Variants in GRM7 observed in about 807,000 individuals in gnomAD.
The protein encoded by GRM7 is glutamate metabotropic receptor 7, also known as metabotropic glutamate receptor 7.
A neutral mutation model predicts 84.5 loss-of-function variants in GRM7; 35 were observed. The ratio of observed to expected loss-of-function variants is 0.41; its 90% CI spans 0.32 to 0.55. The LOEUF (loss-of-function observed/expected upper bound fraction) is 0.55, where lower values mean the gene tolerates loss of function less well. Ranked by LOEUF, GRM7 falls within the 20% of genes least tolerant of loss-of-function variation. GRM7 has a pLI of 0.19. For synonymous variants in GRM7, 487 were observed against 455.1 expected, an observed-to-expected ratio of 1.07 and a Z score of -0.89; for missense variants, 1,003 against 1,194.6, an observed-to-expected ratio of 0.84 and a Z score of 2.36.
chr3:7,556,250 T>C (rs1207288585), intron 7 of GRM7, among the ~76,000 whole-genome samples: 1 of 152,156 alleles, frequency 6.6e-6, no homozygotes, highest in Non-Finnish European at 1.5e-5. Flanking sequence ...GTCCTCATTA[T>C]TTAATCATCC....
At chr3:7,402,845 T>C (rs1695509548) in intron 4 of GRM7, among the ~76,000 whole-genome samples, 1 of 151,834 alleles carries the variant, frequency 6.6e-6, no homozygotes. Context: ...CCTCTCAGAC[T>C]TGCATATGAA....
At chr3:7,724,573 A>T (rs1449845379) in intron 9 of GRM7, among the ~76,000 whole-genome samples, 1 of 152,186 alleles carries the variant, frequency 6.6e-6, no homozygotes, top group Non-Finnish European at 1.5e-5. Flanking sequence ...TAAGGACAAC[A>T]CTGTCAGTTT....
chr3:7,594,084 G>T (rs1328186854), intron 8 of GRM7, among the ~76,000 whole-genome samples: 1 of 152,114 alleles, frequency 6.6e-6, no homozygotes, highest in African/African-American at 2.4e-5. Flanking sequence ...CTTACAGGTG[G>T]TGTCCTAAGG....
At chr3:6,998,469 C>T (rs1694903038) in intron 1 of GRM7, among the ~76,000 whole-genome samples, 1 of 152,112 alleles carries the variant, frequency 6.6e-6, no homozygotes, top group African/African-American at 2.4e-5. Flanking sequence ...ATCTACCATT[C>T]TGAGGTCTGG....
intron 9 of GRM7, among the ~76,000 whole-genome samples, chr3:7,688,843 A>G (rs1700684978): frequency 6.6e-6 from 1 of 152,232 alleles, no homozygotes. Context: ...TGAAGGAAGT[A>G]GGTTCAAATT....
chr3:7,321,079 G>C (rs1700762783), intron 4 of GRM7, among the ~76,000 whole-genome samples: 1 of 151,784 alleles, frequency 6.6e-6, no homozygotes, highest in African/African-American at 2.4e-5. Context: ...TCCCCTAGAT[G>C]AGCTTTCAAT....
chr3:7,519,221 G>A (rs927992019), intron 7 of GRM7, among the ~76,000 whole-genome samples: 2 of 152,154 alleles, frequency 1.3e-5, no homozygotes, highest in Admixed American at 1.3e-4. Context: ...AGCTAGCCAG[G>A]TGTAGTGGTG....
intron 2 of GRM7, among the ~76,000 whole-genome samples, chr3:7,149,015 A>G (rs56246297): frequency 0.36 from 54,760 of 152,028 alleles, 10,346 homozygotes; most frequent in African/African-American, 0.47. Context: ...TATACATATT[A>G]TAGTATTTGG....
chr3:7,328,466 G>T (rs57672952), intron 4 of GRM7, among the ~76,000 whole-genome samples: 1,560 of 152,268 alleles, frequency 0.01, 33 homozygotes, highest in African/African-American at 0.035. Context: ...CCCATAGGAT[G>T]CTAGCAATAG....
chr3:7,437,645 C>CT (rs1324840556), intron 5 of GRM7, among the ~76,000 whole-genome samples: 1 of 151,824 alleles, frequency 6.6e-6, no homozygotes, highest in Non-Finnish European at 1.5e-5. Context: ...GCTTTATGTT[C>CT]TTTTTTATAG....
At chr3:6,950,131 C>CT (rs1692677031) in intron 1 of GRM7, among the ~76,000 whole-genome samples, 1 of 152,186 alleles carries the variant, frequency 6.6e-6, no homozygotes, top group African/African-American at 2.4e-5. Flanking sequence ...GAGAGGCACT[C>CT]TGATTTTTAG....
At chr3:6,903,724 G>C (rs909895429) in intron 1 of GRM7, among the ~76,000 whole-genome samples, 4 of 152,124 alleles carry the variant, frequency 2.6e-5, no homozygotes, top group Non-Finnish European at 5.9e-5. Context: ...CCCCAGAATA[G>C]CTTCACCATT....
intron 2 of GRM7, among the ~76,000 whole-genome samples, chr3:7,238,097 G>C (rs1697412304): frequency 6.6e-6 from 1 of 152,068 alleles, no homozygotes; most frequent in African/African-American, 2.4e-5. Context: ...CCATAGTATT[G>C]AATCAAAATT....
chr3:7,463,554 A>G (rs1244671851), intron 7 of GRM7, among the ~76,000 whole-genome samples: 1 of 152,120 alleles, frequency 6.6e-6, no homozygotes. Flanking sequence ...TTCAGCATCT[A>G]GGATGGAGTT....
intron 2 of GRM7, among the ~76,000 whole-genome samples, chr3:7,155,073 G>C (rs759388432): frequency 2.6e-5 from 4 of 152,090 alleles, no homozygotes; most frequent in Non-Finnish European, 4.4e-5. Flanking sequence ...TTTCAGAGTA[G>C]TAAAACTTAC....
intron 1 of GRM7, among the ~76,000 whole-genome samples, chr3:7,130,190 C>T (rs550727813): frequency 6.6e-6 from 1 of 152,246 alleles, no homozygotes; most frequent in Admixed American, 6.5e-5. Flanking sequence ...AGTCTAAAGG[C>T]TATGATCAGG....
chr3:7,172,486 C>G (rs998946366), intron 2 of GRM7, among the ~76,000 whole-genome samples: 8 of 151,970 alleles, frequency 5.3e-5, no homozygotes, highest in African/African-American at 1.9e-4. Flanking sequence ...AAACAGTGCT[C>G]ACATCTTTTA....
chr3:7,075,773 G>A (rs973684573), intron 1 of GRM7, among the ~76,000 whole-genome samples: 11 of 151,998 alleles, frequency 7.2e-5, no homozygotes, highest in African/African-American at 2.4e-4. Flanking sequence ...TGATCTGCCC[G>A]CCTCAGCCTG....
At chr3:7,435,164 C>CT (rs1217707637) in intron 5 of GRM7, among the ~76,000 whole-genome samples, 100 of 142,570 alleles carry the variant, frequency 7.0e-4, no homozygotes, top group African/African-American at 1.0e-3. Flanking sequence ...TCTATATTTT[C>CT]TTTTTTTTTT....
Sources: gnomAD v4.1 joint callset for allele counts (sites outside exome capture counted in the v4.1 genomes callset) on GRCh38, gnomAD v4.1.1 for gene constraint, MANE v1.5 for transcripts, NCBI Gene and HGNC (gene_info 2026-07-23, HGNC 2026-07-21) for gene names.